The following NRXN3 variants were observed in gnomAD, a reference collection of about 807,000 sequenced individuals.
The protein encoded by NRXN3 is neurexin 3.
In NRXN3, 32 loss-of-function variants were observed where a neutral mutation model predicts 137.6. The ratio of observed to expected loss-of-function variants is 0.23; its 90% CI spans 0.18 to 0.31. The LOEUF (loss-of-function observed/expected upper bound fraction) is 0.31, where lower values mean the gene tolerates loss of function less well. NRXN3 is among the 10% of genes least tolerant of loss of function. The probability of loss-of-function intolerance (pLI) is 1.00; values close to 1 mark genes in which losing one functional copy is unlikely to be tolerated. For missense variants in NRXN3, 1,574 were observed against 2,062.5 expected (o/e 0.76, Z 4.59); for synonymous variants, 798 against 784.5 (o/e 1.02, Z -0.29).
chr14:79,581,890 C>T (rs1386248318), intron 16 of NRXN3, among the ~76,000 whole-genome samples: 1 of 152,172 alleles, frequency 6.6e-6, no homozygotes, highest in Non-Finnish European at 1.5e-5. Flanking sequence ...CAAATGGTCT[C>T]ATCTGATCCC....
intron 4 of NRXN3, among the ~76,000 whole-genome samples, chr14:78,630,597 CTTTT>C (rs370862037): frequency 1.6e-5 from 2 of 127,838 alleles, no homozygotes; most frequent in Admixed American, 8.2e-5. Context: ...TTCTTTCTTT[CTTTT>C]TTTTTTTTTT....
chr14:79,034,688 AGTTTG>A (rs1315745600), intron 15 of NRXN3, among the ~76,000 whole-genome samples: 2 of 152,128 alleles, frequency 1.3e-5, no homozygotes, highest in African/African-American at 2.4e-5. Context: ...TGAGTAATCT[AGTTTG>A]GTTTATTTTT....
At chr14:79,046,068 T>C (rs2099632660) in intron 15 of NRXN3, among the ~76,000 whole-genome samples, 1 of 152,102 alleles carries the variant, frequency 6.6e-6, no homozygotes, top group African/African-American at 2.4e-5. Flanking sequence ...ATCTAATGGG[T>C]ACCAAAAACA....
intron 19 of NRXN3, among the ~76,000 whole-genome samples, chr14:79,755,214 T>C (rs2099015232): frequency 6.6e-6 from 1 of 152,184 alleles, no homozygotes; most frequent in Non-Finnish European, 1.5e-5. Context: ...AAATCATCTC[T>C]AGATTAGTTA....
intron 2 of NRXN3, among the ~76,000 whole-genome samples, chr14:78,261,419 A>G (rs2070705551): frequency 6.6e-6 from 1 of 152,124 alleles, no homozygotes; most frequent in East Asian, 1.9e-4. Flanking sequence ...CATCATTGAG[A>G]TGGATCTAGA....
intron 4 of NRXN3, among the ~76,000 whole-genome samples, chr14:78,471,185 T>C (rs950050280): frequency 6.6e-6 from 1 of 152,030 alleles, no homozygotes; most frequent in African/African-American, 2.4e-5. Flanking sequence ...TCAACAAGCT[T>C]ATTGAAAGAG....
intron 4 of NRXN3, among the ~76,000 whole-genome samples, chr14:78,493,508 C>T (rs1218733962): frequency 1.3e-5 from 2 of 148,994 alleles, no homozygotes; most frequent in Middle Eastern, 3.4e-3. Context: ...AGGCAACAAT[C>T]GTGAAACTCC....
intron 15 of NRXN3, among the ~76,000 whole-genome samples, chr14:79,357,673 C>T (rs1409577822): frequency 2.0e-5 from 3 of 152,136 alleles, no homozygotes; most frequent in African/African-American, 7.2e-5. Context: ...CTGAGAACTG[C>T]TCTTCCTTTA....
intron 4 of NRXN3, among the ~76,000 whole-genome samples, chr14:78,402,485 C>G (rs1283333997): frequency 6.6e-6 from 1 of 152,160 alleles, no homozygotes; most frequent in Non-Finnish European, 1.5e-5. Context: ...CTTTACCATT[C>G]CTTCTAAGAC....
chr14:78,618,517 A>G (rs1011638000), intron 4 of NRXN3, among the ~76,000 whole-genome samples: 2 of 152,208 alleles, frequency 1.3e-5, no homozygotes, highest in African/African-American at 4.8e-5. Flanking sequence ...TTGAAATTAC[A>G]TGCAGCGCAG....
chr14:78,719,993 A>G (rs2098452337), intron 8 of NRXN3, among the ~76,000 whole-genome samples: 1 of 152,158 alleles, frequency 6.6e-6, no homozygotes. Context: ...GAATGGTTAG[A>G]ATTTATGATT....
At chr14:78,601,482 T>C (rs911531262) in intron 4 of NRXN3, among the ~76,000 whole-genome samples, 1 of 151,568 alleles carries the variant, frequency 6.6e-6, no homozygotes, top group Admixed American at 6.6e-5. Flanking sequence ...AGATGGAATC[T>C]CACTGTGTTG....
intron 17 of NRXN3, among the ~76,000 whole-genome samples, chr14:79,666,834 C>G (rs1234694381): frequency 6.6e-6 from 1 of 152,068 alleles, no homozygotes; most frequent in Non-Finnish European, 1.5e-5. Flanking sequence ...CCAAGCTGCT[C>G]TCCTTACAAC....
chr14:78,660,083 A>G (rs1348158943), intron 6 of NRXN3, among the ~76,000 whole-genome samples: 1 of 151,994 alleles, frequency 6.6e-6, no homozygotes, highest in Non-Finnish European at 1.5e-5. Context: ...GCGTGGCTGT[A>G]AAAAAGTGGT....
intron 19 of NRXN3, among the ~76,000 whole-genome samples, chr14:79,727,215 G>A (rs1486607284): frequency 4.6e-5 from 7 of 152,132 alleles, no homozygotes; most frequent in Admixed American, 4.6e-4. Context: ...TAAGAGTTGA[G>A]TGAAACTACG....
At chr14:78,353,135 G>A (rs930232601) in intron 4 of NRXN3, among the ~76,000 whole-genome samples, 10 of 152,132 alleles carry the variant, frequency 6.6e-5, no homozygotes, top group East Asian at 3.9e-4. Flanking sequence ...TGAGGAAACC[G>A]GACTGGAGAG....
chr14:78,828,787 G>A (rs1033685809), intron 10 of NRXN3, among the ~76,000 whole-genome samples: 1 of 152,140 alleles, frequency 6.6e-6, no homozygotes, highest in African/African-American at 2.4e-5. Context: ...AGACCAACAT[G>A]GTTTCTCTCC....
intron 16 of NRXN3, among the ~76,000 whole-genome samples, chr14:79,486,286 T>C (rs995525580): frequency 3.3e-5 from 5 of 152,132 alleles, no homozygotes; most frequent in Non-Finnish European, 5.9e-5. Context: ...CTATACATAC[T>C]AGAAAAAAAT....
chr14:79,573,981 C>CA, intron 16 of NRXN3, among the ~76,000 whole-genome samples: 1 of 151,854 alleles, frequency 6.6e-6, no homozygotes, highest in East Asian at 1.9e-4. Flanking sequence ...ATGGGCAACC[C>CA]AAAAAGATAT....
Sources: allele counts gnomAD v4.1 joint callset (sites outside exome capture counted in the v4.1 genomes callset), GRCh38; gene constraint gnomAD v4.1.1; transcripts MANE v1.5; gene names NCBI Gene and HGNC (gene_info 2026-07-23, HGNC 2026-07-21).